The following ANGPT1 variants were observed in gnomAD, a reference collection of about 807,000 sequenced individuals.
ANGPT1 encodes angiopoietin-1.
In ANGPT1, 17 loss-of-function variants were observed where a neutral mutation model predicts 62.2. That is an observed-to-expected ratio of 0.27 (90% CI 0.19 to 0.41). The LOEUF (loss-of-function observed/expected upper bound fraction) is 0.41. Among genes scored for constraint, ANGPT1 ranks in the 10% least tolerant of loss-of-function variants. ANGPT1 has a pLI of 1.00. For missense variants in ANGPT1, 478 were observed against 594.9 expected (o/e 0.80, Z 2.04); for synonymous variants, 199 against 198.9 (o/e 1.00, Z 0.00).
At chr8:107,391,444 A>G (rs1440613123) in intron 1 of ANGPT1, among the ~76,000 whole-genome samples, 1 of 152,194 alleles carries the variant, frequency 6.6e-6, no homozygotes, top group Non-Finnish European at 1.5e-5. Context: ...AAGGAGGCAG[A>G]TAACCTGAGG....
intron 1 of ANGPT1, among the ~76,000 whole-genome samples, chr8:107,395,501 T>C (rs1019493098): frequency 2.0e-5 from 3 of 152,204 alleles, no homozygotes; most frequent in African/African-American, 7.2e-5. Flanking sequence ...TTTCTCACTG[T>C]ATCTTTGCCA....
chr8:107,370,340 AAAAGAAAGAAAGAAAG>A lies in ANGPT1; in HGVS notation c.298-23259_298-23244del, dbSNP rs71308727. Reference sequence around the variant, plus strand: ...GAAGGAAAGAGAAAGGAAAGAAAGAAAAAGAAAGAAAGAAAGAAAGAAAGAAAGAAAGAAAGAAAGA... The same window carrying A: ...GAAGGAAAGAGAAAGGAAAGAAAGAAAAAGAAAGAAAGAAAGAAAGAAAGA... On this transcript the variant is annotated intron_variant, in intron 1 of 8. Coordinates refer to ENST00000517746, the MANE Select transcript of ANGPT1 (RefSeq NM_001146.5). Among the ~76,000 whole-genome samples the A allele has an allele frequency of 8.5e-3, 460 of 54,420 alleles. 43 individuals carry two copies. The highest frequency in any genetic ancestry group is 0.025 in the South Asian group (32 of 1,294). The allele number at this position is 54,420 out of a possible 152,430, so 35.7% of individuals were successfully genotyped here.
intron 1 of ANGPT1, among the ~76,000 whole-genome samples, chr8:107,419,265 C>T (rs990819275): frequency 1.3e-5 from 2 of 152,108 alleles, no homozygotes; most frequent in Non-Finnish European, 2.9e-5. Context: ...TGCCCTTCTC[C>T]CCTGAAGCAG....
intron 1 of ANGPT1, among the ~76,000 whole-genome samples, chr8:107,411,128 A>G (rs1817260286): frequency 6.6e-6 from 1 of 152,100 alleles, no homozygotes; most frequent in Non-Finnish European, 1.5e-5. Context: ...AATTCACATA[A>G]TTCTGCTATT....
chr8:107,289,313 T>C (rs933489687), intron 6 of ANGPT1, among the ~76,000 whole-genome samples: 1 of 152,088 alleles, frequency 6.6e-6, no homozygotes, highest in African/African-American at 2.4e-5. Context: ...AAATGTTCAA[T>C]TTTGGTTTGT....
intron 1 of ANGPT1, among the ~76,000 whole-genome samples, chr8:107,435,062 G>A (rs1811296362): frequency 6.6e-6 from 1 of 151,952 alleles, no homozygotes; most frequent in Non-Finnish European, 1.5e-5. Flanking sequence ...CTCATGATGG[G>A]GGTGGATATT....
At chr8:107,427,167 G>A (rs555297335) in intron 1 of ANGPT1, among the ~76,000 whole-genome samples, 2 of 152,234 alleles carry the variant, frequency 1.3e-5, no homozygotes, top group Admixed American at 1.3e-4. Flanking sequence ...CCTGTTAACT[G>A]TACTCAGGAC....
intron 1 of ANGPT1, among the ~76,000 whole-genome samples, chr8:107,435,515 G>A (rs375284440): frequency 8.5e-5 from 13 of 152,138 alleles, no homozygotes; most frequent in East Asian, 1.9e-4. Context: ...ACAAACTTCC[G>A]GGGAGTGTCA....
chr8:107,279,492 C>T (rs1325307262), intron 7 of ANGPT1, among the ~76,000 whole-genome samples: 1 of 151,976 alleles, frequency 6.6e-6, no homozygotes, highest in Non-Finnish European at 1.5e-5. Flanking sequence ...TGAGGATGCC[C>T]ATATGGTGGG....
At chr8:107,421,011 C>A (rs1361309081) in intron 1 of ANGPT1, among the ~76,000 whole-genome samples, 1 of 152,002 alleles carries the variant, frequency 6.6e-6, no homozygotes, top group Non-Finnish European at 1.5e-5. Context: ...TGGTTTAATT[C>A]TTTATTCTAC....
chr8:107,477,254 A>C (rs868778375), intron 1 of ANGPT1, among the ~76,000 whole-genome samples: 1 of 152,142 alleles, frequency 6.6e-6, no homozygotes, highest in Non-Finnish European at 1.5e-5. Context: ...TATTAACTAC[A>C]ATATGGAGGA....
At chr8:107,275,835 G>C (rs1813851292) in intron 7 of ANGPT1, among the ~76,000 whole-genome samples, 2 of 152,118 alleles carry the variant, frequency 1.3e-5, no homozygotes, top group Admixed American at 1.3e-4. Context: ...GCTGGTTCTG[G>C]CAACTTTTGC....
Position 107,471,801 on chromosome 8 carries a change from A to C in ANGPT1, c.297+25461T>G, listed in dbSNP as rs187067361. Among the ~76,000 whole-genome samples the C allele has an allele frequency of 3.3e-3, 509 of 152,188 alleles. 4 individuals carry two copies. The highest frequency in any genetic ancestry group is 0.016 in the South Asian group (79 of 4,822). On this transcript the variant is annotated intron_variant, in intron 1 of 8. Coordinates refer to ENST00000517746, the MANE Select transcript of ANGPT1 (RefSeq NM_001146.5). ...ATAGAATTATCTGATTTATCATCTTAAGGTCTGTAGAAATCCATTGCATAC... is the reference window on the plus strand; with the variant it reads ...ATAGAATTATCTGATTTATCATCTTCAGGTCTGTAGAAATCCATTGCATAC...
chr8:107,266,724 A>G (rs1813622350), intron 7 of ANGPT1, among the ~76,000 whole-genome samples: 1 of 152,114 alleles, frequency 6.6e-6, no homozygotes, highest in South Asian at 2.1e-4. Flanking sequence ...ATAAAGACAG[A>G]CTTTCCAGGA....
At chr8:107,492,296 C>T (rs1812979570) in intron 1 of ANGPT1, among the ~76,000 whole-genome samples, 1 of 152,142 alleles carries the variant, frequency 6.6e-6, no homozygotes, top group Non-Finnish European at 1.5e-5. Flanking sequence ...ATCTTATTTT[C>T]ACGTTTAGTG....
intron 7 of ANGPT1, among the ~76,000 whole-genome samples, chr8:107,267,104 T>C (rs958853544): frequency 1.3e-4 from 20 of 152,060 alleles, no homozygotes; most frequent in African/African-American, 4.8e-4. Context: ...TTTTGAACAC[T>C]ATAAGTAAAG....
rs1021319836 is a variant in ANGPT1, at chr8:107,453,811, G to T, written c.297+43451C>A. On this transcript the variant is annotated intron_variant, in intron 1 of 8. Coordinates refer to ENST00000517746, the MANE Select transcript of ANGPT1 (RefSeq NM_001146.5). ...TTAAATGACTATTAAATGAGGTGGC[G>T]AAGTATATTTCTTGACATGAACAGA... Among the ~76,000 whole-genome samples the T allele has an allele frequency of 2.0e-5, 3 of 151,298 alleles. No homozygotes were observed. In the Admixed American group the frequency reaches 2.0e-4, roughly 10 times the overall value.
At chr8:107,425,977 G>C (rs1811031630) in intron 1 of ANGPT1, among the ~76,000 whole-genome samples, 1 of 151,962 alleles carries the variant, frequency 6.6e-6, no homozygotes, top group Non-Finnish European at 1.5e-5. Flanking sequence ...TAATCCTCTT[G>C]GAAAATGAAA....
intron 1 of ANGPT1, among the ~76,000 whole-genome samples, chr8:107,434,511 C>T (rs1472848934): frequency 2.0e-5 from 3 of 151,986 alleles, no homozygotes; most frequent in African/African-American, 7.3e-5. Flanking sequence ...GGGGAATAAG[C>T]TCAAGGACCT....
Sources: allele counts gnomAD v4.1 joint callset (sites outside exome capture counted in the v4.1 genomes callset), GRCh38; gene constraint gnomAD v4.1.1; transcripts MANE v1.5; gene names NCBI Gene and HGNC (gene_info 2026-07-23, HGNC 2026-07-21).